PKIB: variants seen among roughly 807,000 people sequenced by gnomAD.
PKIB encodes PKI-beta.
In PKIB, 2 loss-of-function variants were observed where a neutral mutation model predicts 4.5. The ratio of observed to expected loss-of-function variants is 0.44; its 90% CI spans 0.18 to 1.39. The LOEUF (loss-of-function observed/expected upper bound fraction) is 1.39, where lower values mean the gene tolerates loss of function less well. PKIB is among the 40% of genes most tolerant of loss of function. The probability of loss-of-function intolerance (pLI) is 0.27; values close to 1 mark genes in which losing one functional copy is unlikely to be tolerated. For missense variants in PKIB, 94 were observed against 92.6 expected, an observed-to-expected ratio of 1.02 and a Z score of -0.06; for synonymous variants, 38 against 36.0, an observed-to-expected ratio of 1.06 and a Z score of -0.20.
At chr6:122,622,119 G>T (rs1183273046) in intron 1 of PKIB, among the ~76,000 whole-genome samples, 1 of 152,134 alleles carries the variant, frequency 6.6e-6, no homozygotes, top group East Asian at 1.9e-4. Flanking sequence ...AGAAATTGCT[G>T]TACTTAAACA....
At chr6:122,540,634 G>A (rs1390484724) in intron 2 of PKIB, among the ~76,000 whole-genome samples, 1 of 151,896 alleles carries the variant, frequency 6.6e-6, no homozygotes, top group African/African-American at 2.4e-5. Flanking sequence ...GTGTGGTGTG[G>A]TGCTGAAAAA....
At chr6:122,488,518 C>G (rs1175569412) in intron 2 of PKIB, among the ~76,000 whole-genome samples, 1 of 151,998 alleles carries the variant, frequency 6.6e-6, no homozygotes, top group Admixed American at 6.6e-5. Flanking sequence ...GCAGCCACTC[C>G]CTCCCTGGAC....
chr6:122,561,994 G>GTT, intron 2 of PKIB, among the ~76,000 whole-genome samples: 980 of 40,722 alleles, frequency 0.024, 168 homozygotes, highest in Middle Eastern at 0.052. Context: ...GTTTGTTTTT[G>GTT]TTTTTTTTTG....
chr6:122,602,272 T>C (rs1774393481), intron 3 of PKIB, among the ~76,000 whole-genome samples: 1 of 152,128 alleles, frequency 6.6e-6, no homozygotes, highest in South Asian at 2.1e-4. Flanking sequence ...AGGGCCAGTG[T>C]GGACTTAAAA....
intron 2 of PKIB, among the ~76,000 whole-genome samples, chr6:122,484,854 T>C (rs1321240950): frequency 1.3e-5 from 2 of 152,198 alleles, no homozygotes; most frequent in Non-Finnish European, 2.9e-5. Context: ...GCAGCCTGAC[T>C]TGATAGGTAG....
At chr6:122,537,399 G>C (rs189035698) in intron 2 of PKIB, among the ~76,000 whole-genome samples, 1 of 151,992 alleles carries the variant, frequency 6.6e-6, no homozygotes, top group East Asian at 1.9e-4. Context: ...TCCCACCTAT[G>C]AGTGAGAACA....
At chr6:122,657,173 A>G (rs1179086723) in intron 2 of PKIB, among the ~76,000 whole-genome samples, 5 of 152,176 alleles carry the variant, frequency 3.3e-5, no homozygotes, top group Admixed American at 6.5e-5. Flanking sequence ...TACACCAACT[A>G]TCTTCCAGTT....
At chr6:122,519,031 C>G (rs143630827) in intron 2 of PKIB, among the ~76,000 whole-genome samples, 2 of 151,960 alleles carry the variant, frequency 1.3e-5, no homozygotes, top group African/African-American at 4.8e-5. Flanking sequence ...GTTGGAAGAG[C>G]CAAATTTGGG....
chr6:122,598,810 T>G (rs1774260267), intron 3 of PKIB, among the ~76,000 whole-genome samples: 1 of 152,150 alleles, frequency 6.6e-6, no homozygotes, highest in African/African-American at 2.4e-5. Context: ...ATAATCTTTT[T>G]TTTAACTCCC....
At chr6:122,566,248 G>A (rs1773188391) in intron 2 of PKIB, among the ~76,000 whole-genome samples, 1 of 152,108 alleles carries the variant, frequency 6.6e-6, no homozygotes, top group African/African-American at 2.4e-5. Context: ...AACACAACCA[G>A]TGTTCATCAC....
chr6:122,534,942 T>G (rs1224907661), intron 2 of PKIB, among the ~76,000 whole-genome samples: 2 of 152,192 alleles, frequency 1.3e-5, no homozygotes, highest in Admixed American at 1.3e-4. Flanking sequence ...TGTGATATCC[T>G]CTCCCTTCAA....
chr6:122,501,731 C>G (rs1450815600), intron 2 of PKIB, among the ~76,000 whole-genome samples: 4 of 152,152 alleles, frequency 2.6e-5, no homozygotes, highest in Middle Eastern at 3.2e-3. Context: ...CTGAAATGCG[C>G]TGAAGGCAAT....
At chr6:122,662,451 G>A (rs1276097263) in intron 2 of PKIB, among the ~76,000 whole-genome samples, 2 of 149,614 alleles carry the variant, frequency 1.3e-5, no homozygotes, top group Non-Finnish European at 3.0e-5. Context: ...AAGTAGCTGC[G>A]ATTATAGGCA....
chr6:122,549,895 C>T (rs941339530), intron 2 of PKIB, among the ~76,000 whole-genome samples: 7 of 144,208 alleles, frequency 4.9e-5, no homozygotes, highest in African/African-American at 1.0e-4. Flanking sequence ...TATATATACA[C>T]ACACACACAC....
chr6:122,558,398 T>G (rs1256712497), intron 2 of PKIB, among the ~76,000 whole-genome samples: 1 of 152,198 alleles, frequency 6.6e-6, no homozygotes. Context: ...TTGAGTCATA[T>G]GTTCACCTCT....
intron 2 of PKIB, among the ~76,000 whole-genome samples, chr6:122,556,520 G>T (rs1384549517): frequency 1.3e-5 from 2 of 152,082 alleles, no homozygotes. Context: ...ATTTTGAGTA[G>T]GACCAGAACA....
rs1554220234 is a variant in PKIB at position 122,561,988 on chromosome 6, G to GTTTGTGTTTTTTTTTT, written c.-247-23930_-247-23929insGTGTTTTTTTTTTTTT. Among the ~76,000 whole-genome samples the GTTTGTGTTTTTTTTTT allele has an allele frequency of 3.7e-4, 9 of 24,260 alleles. 1 individual carries two copies. The highest frequency in any genetic ancestry group is 6.4e-4 in the African/African-American group (4 of 6,246). The allele number at this position is 24,260 out of a possible 152,430, so 15.9% of individuals were successfully genotyped here. A position where few individuals can be genotyped will look rare whatever the true frequency, so the allele number is the denominator to read the frequency against. ...TTGCCTGCATAGTTTTTTTTTGTTT[G>GTTTGTGTTTTTTTTTT]TTTTTGTTTTTTTTTGTTTTTTTTT... On this transcript the variant is annotated intron_variant, in intron 2 of 6. Transcript: ENST00000392491.
At chr6:122,529,456 C>T (rs1201734862) in intron 2 of PKIB, among the ~76,000 whole-genome samples, 1 of 152,038 alleles carries the variant, frequency 6.6e-6, no homozygotes, top group African/African-American at 2.4e-5. Flanking sequence ...AAGTTTTATG[C>T]ATCAAAATTA....
intron 2 of PKIB, among the ~76,000 whole-genome samples, chr6:122,533,362 G>T (rs1777316754): frequency 1.3e-5 from 2 of 152,078 alleles, no homozygotes; most frequent in Middle Eastern, 3.4e-3. Context: ...TAGAAATGGG[G>T]TCTTGCTATG....
Sources: gnomAD v4.1 joint callset for allele counts (sites outside exome capture counted in the v4.1 genomes callset) on GRCh38, gnomAD v4.1.1 for gene constraint, MANE v1.5 for transcripts, NCBI Gene and HGNC (gene_info 2026-07-23, HGNC 2026-07-21) for gene names.